ARFIP1: variants seen among roughly 807,000 people sequenced by gnomAD.
The protein encoded by ARFIP1 is ARF interacting protein 1, also known as arfaptin-1.
A neutral mutation model predicts 42.5 loss-of-function variants in ARFIP1; 24 were observed. That is an observed-to-expected ratio of 0.57 (90% confidence interval 0.41 to 0.80). ARFIP1 has a LOEUF of 0.80. ARFIP1 is among the 30% of genes least tolerant of loss of function. ARFIP1 has a pLI of 0.00. For missense variants in ARFIP1, 354 were observed against 434.0 expected, an observed-to-expected ratio of 0.82 and a Z score of 1.64; for synonymous variants, 141 against 153.7, an observed-to-expected ratio of 0.92 and a Z score of 0.61.
intron 8 of ARFIP1, among the ~76,000 whole-genome samples, chr4:152,897,983 C>CCT (rs1737486852): frequency 8.2e-6 from 1 of 121,500 alleles, no homozygotes; most frequent in Non-Finnish European, 1.7e-5. Flanking sequence ...TTGCAATGTT[C>CCT]TTTTTTTTTT....
intron 1 of ARFIP1, among the ~76,000 whole-genome samples, chr4:152,824,772 A>G (rs935870003): frequency 3.3e-5 from 5 of 152,204 alleles, no homozygotes; most frequent in Non-Finnish European, 7.3e-5. Flanking sequence ...TTTGCCAATG[A>G]TTGGATACCT....
chr4:152,814,646 C>A (rs1358527874), intron 1 of ARFIP1, among the ~76,000 whole-genome samples: 1 of 152,150 alleles, frequency 6.6e-6, no homozygotes, highest in Non-Finnish European at 1.5e-5. Flanking sequence ...TTCATGATCA[C>A]CCTATTGCAC....
At chr4:152,906,069 T>C (rs1738335416) in intron 8 of ARFIP1, among the ~76,000 whole-genome samples, 1 of 152,210 alleles carries the variant, frequency 6.6e-6, no homozygotes, top group Non-Finnish European at 1.5e-5. Context: ...CTTATGTTTT[T>C]TTCTATAAGT....
At position 152,881,071 on chromosome 4, in the gene ARFIP1, A is replaced by T; in HGVS notation, c.520A>T (p.Asn174Tyr). Residue 174 changes from asparagine to tyrosine, a missense_variant, in exon 6 of 9, where the codon AAT becomes TAT. Physicochemically the swap from Asn to Tyr is moderately radical, Grantham distance 143 (BLOSUM62 -2). Coordinates refer to ENST00000353617, the MANE Select transcript of ARFIP1 (RefSeq NM_001025595.3). The stretch of plus-strand genomic sequence containing the variant: ...AAGGGATAACAAGAAAAAATATGAA[A>T]ATATTTTAAAACTGGCTCAAACATT... ...ILRDNKKKYENILKLAQTLST... is the reference protein window; with the variant it reads ...ILRDNKKKYEYILKLAQTLST... 1 of 1,613,752 alleles carries T rather than the reference A, an allele frequency of 6.2e-7. No individual in the cohort carries two copies. The highest frequency in any genetic ancestry group is 8.5e-7 in the Non-Finnish European group (1 of 1,179,704).
At chr4:152,903,524 T>C (rs1448996264) in intron 8 of ARFIP1, among the ~76,000 whole-genome samples, 2 of 151,910 alleles carry the variant, frequency 1.3e-5, no homozygotes, top group Non-Finnish European at 2.9e-5. Flanking sequence ...AATTACAAAA[T>C]TGTGAATCCT....
At chr4:152,794,171 TTAAAC>T (rs145038912) in intron 1 of ARFIP1, among the ~76,000 whole-genome samples, 301 of 152,290 alleles carry the variant, frequency 2.0e-3, no homozygotes, top group African/African-American at 6.8e-3. Flanking sequence ...ATATTATTGA[TTAAAC>T]TATAGCTCTT....
intron 2 of ARFIP1, among the ~76,000 whole-genome samples, chr4:152,847,701 T>C (rs1031923720): frequency 1.3e-5 from 2 of 152,202 alleles, no homozygotes; most frequent in African/African-American, 4.8e-5. Flanking sequence ...TAATGGATGC[T>C]GTTATAGTGC....
intron 1 of ARFIP1, chr4:152,809,840 C>CA (rs1175232880): frequency 6.6e-6 from 1 of 152,160 alleles, no homozygotes; most frequent in African/African-American, 2.4e-5. Context: ...TCACCTATTA[C>CA]AAATGCACTC....
intron 1 of ARFIP1, among the ~76,000 whole-genome samples, chr4:152,788,910 T>G (rs1038556850): frequency 6.6e-6 from 1 of 151,362 alleles, no homozygotes; most frequent in African/African-American, 2.4e-5. Flanking sequence ...TCCTTGTTTT[T>G]GATGACAAGT....
Position 152,863,790 on chromosome 4 carries a change from A to G in ARFIP1, c.202+76A>G, listed in dbSNP as rs114169627. ...TTCACCAAATGCTACCTTTATTAAT[A>G]AAGCACAAGAATGGAGCCCTTTCAT... On this transcript the variant is annotated intron_variant, in intron 3 of 8. Transcript: ENST00000353617. The G allele has an allele frequency of 1.7e-3, 1,457 of 882,184 alleles. 17 individuals are homozygous for G. The African/African-American group carries it at 0.019, about 11-fold the overall frequency. The allele number at this position is 882,184 out of a possible 1,614,324, so 54.6% of individuals were successfully genotyped here. A position where few individuals can be genotyped will look rare whatever the true frequency, so the allele number is the denominator to read the frequency against.
chr4:152,851,994 T>G (rs531222454), intron 2 of ARFIP1, among the ~76,000 whole-genome samples: 1 of 152,348 alleles, frequency 6.6e-6, no homozygotes, highest in Admixed American at 6.5e-5. Flanking sequence ...AAAAATGTAT[T>G]TGGAGCTTTT....
At chr4:152,802,672 A>G (rs1169270539) in intron 1 of ARFIP1, among the ~76,000 whole-genome samples, 2 of 152,192 alleles carry the variant, frequency 1.3e-5, no homozygotes, top group African/African-American at 4.8e-5. Flanking sequence ...AACCAAGGCT[A>G]AGGCAAGTTC....
chr4:152,874,357 A>AT (rs1239679761), intron 5 of ARFIP1, among the ~76,000 whole-genome samples: 1 of 152,180 alleles, frequency 6.6e-6, no homozygotes, highest in Non-Finnish European at 1.5e-5. Flanking sequence ...TTAAATGACA[A>AT]TTTTTTCCAT....
chr4:152,805,006 T>C (rs189761752), intron 1 of ARFIP1, among the ~76,000 whole-genome samples: 72 of 152,298 alleles, frequency 4.7e-4, no homozygotes, highest in East Asian at 1.7e-3. Flanking sequence ...TGAAATGATT[T>C]ATGTAATGTG....
intron 2 of ARFIP1, among the ~76,000 whole-genome samples, chr4:152,837,008 A>T (rs1731704755): frequency 6.6e-6 from 1 of 151,778 alleles, no homozygotes; most frequent in South Asian, 2.1e-4. Flanking sequence ...TAGTTCCCAC[A>T]TAATCAGTGA....
chr4:152,868,212 C>T (rs910164183), intron 3 of ARFIP1, among the ~76,000 whole-genome samples: 38 of 152,270 alleles, frequency 2.5e-4, no homozygotes, highest in Admixed American at 2.5e-3. Flanking sequence ...GTTGCAGAAT[C>T]AGTAATAGTG....
chr4:152,905,602 G>C (rs1471914284), intron 8 of ARFIP1, among the ~76,000 whole-genome samples: 4 of 110,566 alleles, frequency 3.6e-5, no homozygotes, highest in African/African-American at 1.3e-4. Flanking sequence ...GTCCAGGCTG[G>C]AGTGCAGTGG....
At chr4:152,876,532 G>A (rs538857251) in intron 5 of ARFIP1, among the ~76,000 whole-genome samples, 9 of 152,326 alleles carry the variant, frequency 5.9e-5, no homozygotes, top group Non-Finnish European at 4.4e-5. Flanking sequence ...GGGAAGCAGA[G>A]CATAAAAGTT....
intron 6 of ARFIP1, among the ~76,000 whole-genome samples, chr4:152,881,503 A>G (rs181764766): frequency 4.6e-5 from 7 of 152,268 alleles, no homozygotes; most frequent in Admixed American, 4.6e-4. Context: ...TTTTTCTAAA[A>G]GTTGTAAAAA....
Sources: allele counts gnomAD v4.1 joint callset (sites outside exome capture counted in the v4.1 genomes callset), GRCh38; gene constraint gnomAD v4.1.1; transcripts MANE v1.5; gene names NCBI Gene and HGNC (gene_info 2026-07-23, HGNC 2026-07-21).